The following OVCH1 variants were observed in gnomAD, a reference collection of about 807,000 sequenced individuals.
The protein encoded by OVCH1 is ovochymase 1, also known as ovochymase-1.
OVCH1 carries 139 observed loss-of-function variants against 138.4 expected under a neutral mutation model. The observed-to-expected ratio is 1.00, with a 90% CI of 0.87 to 1.16. The LOEUF (loss-of-function observed/expected upper bound fraction) is 1.16, where lower values mean the gene tolerates loss of function less well. Among genes scored for constraint, OVCH1 ranks in the 50% most tolerant of loss-of-function variants. The pLI is 0.00. For synonymous variants in OVCH1, 453 were observed against 467.8 expected (o/e 0.97, Z 0.41); for missense variants, 1,367 against 1,357.9 (o/e 1.01, Z -0.11).
downstream of OVCH1, chr12:29,412,455 C>G (rs1206989359): frequency 6.6e-6 from 1 of 152,344 alleles, no homozygotes; most frequent in African/African-American, 2.4e-5. Context: ...TCCTATTCGG[C>G]CATCTTGGCT....
intron 25 of OVCH1, chr12:29,439,479 A>G: frequency 6.9e-7 from 1 of 1,457,692 alleles, no homozygotes; most frequent in Non-Finnish European, 9.0e-7. Context: ...AACAAAAAAC[A>G]AAAAGCAAAA....
downstream of OVCH1, chr12:29,427,527 AG>A: frequency 6.5e-7 from 1 of 1,548,882 alleles, no homozygotes. Flanking sequence ...GCTTGGTTAG[AG>A]GCCTCTTCCT....
intron 8 of OVCH1, among the ~76,000 whole-genome samples, chr12:29,481,301 G>A (rs1942925327): frequency 6.6e-6 from 1 of 151,966 alleles, no homozygotes; most frequent in South Asian, 2.1e-4. Context: ...TAGGAATTTT[G>A]TTTTCTCCTA....
chr12:29,434,057 AC>A (rs370525528), intron 26 of OVCH1, among the ~76,000 whole-genome samples: 49 of 152,314 alleles, frequency 3.2e-4, no homozygotes, highest in African/African-American at 1.2e-3. Flanking sequence ...TGCAATAGTT[AC>A]CCGTTTTCAT....
chr12:29,482,662 A>T (rs1942971266), intron 8 of OVCH1, among the ~76,000 whole-genome samples: 1 of 152,208 alleles, frequency 6.6e-6, no homozygotes, highest in African/African-American at 2.4e-5. Flanking sequence ...ACCCACTATG[A>T]ATGTGGCTTC....
chr12:29,414,614 A>C (rs1941007934), intron 3 of OVCH1, among the ~76,000 whole-genome samples: 1 of 152,202 alleles, frequency 6.6e-6, no homozygotes, highest in South Asian at 2.1e-4. Flanking sequence ...GGATGTATCA[A>C]CTTACAGTCC....
intron 26 of OVCH1, chr12:29,433,842 A>C (rs763484691): frequency 7.3e-7 from 1 of 1,372,900 alleles, no homozygotes; most frequent in South Asian, 1.4e-5. Context: ...TTTTTAATGG[A>C]AATGCCTCCC....
chr12:29,482,322 C>G (rs1193926858), intron 8 of OVCH1, among the ~76,000 whole-genome samples: 1 of 152,074 alleles, frequency 6.6e-6, no homozygotes, highest in Non-Finnish European at 1.5e-5. Context: ...CATATAATTC[C>G]CTCCCTTGCT....
intron 3 of OVCH1, among the ~76,000 whole-genome samples, chr12:29,415,333 A>T (rs1478523217): frequency 6.6e-6 from 1 of 152,324 alleles, no homozygotes; most frequent in African/African-American, 2.4e-5. Context: ...ACACCCAAGG[A>T]TTGCTAAATG....
At chr12:29,444,039 G>C in intron 24 of OVCH1, 106 bp downstream of exon 24, 1 of 1,299,906 alleles carries the variant, frequency 7.7e-7, no homozygotes, top group East Asian at 2.5e-5. Flanking sequence ...TATTCTTTTT[G>C]GAAAAAAGGT....
At position 29,417,281 on chromosome 12, in the gene OVCH1, G is replaced by A. The variant is rs149467956; in HGVS notation, c.*72-4556C>T. ...CAACCTGACAAACCTGACCAATATGGTGAAACCCCATCTCTACTAAAAATA... is the reference window on the plus strand; with the variant it reads ...CAACCTGACAAACCTGACCAATATGATGAAACCCCATCTCTACTAAAAATA... On this transcript the variant is annotated intron_variant and NMD_transcript_variant, in intron 3 of 4. Transcript: ENST00000539117. Among the ~76,000 whole-genome samples the A allele has an allele frequency of 4.2e-3, 643 of 151,930 alleles. 4 individuals carry two copies. The highest frequency in any genetic ancestry group is 7.2e-3 in the Non-Finnish European group (489 of 67,970).
At chr12:29,407,771 G>T (rs980737032), downstream of OVCH1, among the ~76,000 whole-genome samples, 3 of 151,590 alleles carry the variant, frequency 2.0e-5, no homozygotes, top group African/African-American at 7.3e-5. Flanking sequence ...TTTGGTTTAG[G>T]ATTGACTTGG....
rs750045533 is a variant in OVCH1, at chr12:29,454,945, G to A, written c.2438-12C>T. On this transcript the variant is annotated splice_polypyrimidine_tract_variant and intron_variant, in intron 20 of 27. Coordinates refer to ENST00000318184, the Ensembl canonical transcript of OVCH1. ...AAGTGAAGCAGGACCTGTATTTGGG[G>A]AGAACATGTTAAAAATAAAGATGAA... 6.3e-7 allele frequency: 1 copy of A among 1,587,376 alleles called. No homozygotes were observed. Among genetic ancestry groups the A allele is most frequent in the Non-Finnish European group, 8.6e-7 (1 of 1,158,554 alleles).
chr12:29,471,138 T>TA (rs1424776591), intron 16 of OVCH1, among the ~76,000 whole-genome samples: 1 of 152,292 alleles, frequency 6.6e-6, no homozygotes, highest in East Asian at 1.9e-4. Flanking sequence ...AAGGTGAGTA[T>TA]AAAGATTCTT....
chr12:29,413,000 A>G (rs1436319), intron 3 of OVCH1, among the ~76,000 whole-genome samples: 85,196 of 151,022 alleles, frequency 0.56, 26,064 homozygotes, highest in Middle Eastern at 0.78. Flanking sequence ...TACTACTGGC[A>G]TGCACTATCA....
downstream of OVCH1, among the ~76,000 whole-genome samples, chr12:29,424,314 T>C (rs898475771): frequency 1.3e-5 from 2 of 152,206 alleles, no homozygotes; most frequent in Non-Finnish European, 2.9e-5. Context: ...CAGTTTTCCA[T>C]CCTGGGTGGG....
intron 22 of OVCH1, among the ~76,000 whole-genome samples, chr12:29,446,896 A>T (rs1486881960): frequency 6.6e-6 from 1 of 152,094 alleles, no homozygotes; most frequent in Non-Finnish European, 1.5e-5. Flanking sequence ...TTAAAAATCA[A>T]AGATCAAAGA....
At chr12:29,410,004 C>T (rs548764005), downstream of OVCH1, among the ~76,000 whole-genome samples, 38 of 152,126 alleles carry the variant, frequency 2.5e-4, 1 homozygote, top group African/African-American at 8.2e-4. Context: ...GTATTGGGTG[C>T]GTATATATTT....
chr12:29,462,150 T>C, intron 18 of OVCH1, 142 bp from the exon 19 acceptor site: 1 of 955,378 alleles, frequency 1.0e-6, no homozygotes, highest in Non-Finnish European at 1.5e-6. Context: ...GAATTCTGAA[T>C]TTAAAAAATA....
Sources: gnomAD v4.1 joint callset for allele counts (sites outside exome capture counted in the v4.1 genomes callset) on GRCh38, gnomAD v4.1.1 for gene constraint, MANE v1.5 for transcripts, NCBI Gene and HGNC (gene_info 2026-07-23, HGNC 2026-07-21) for gene names.